ZMYM2: variants seen among roughly 807,000 people sequenced by gnomAD.
The protein encoded by ZMYM2 is zinc finger MYM-type protein 2.
In ZMYM2, 56 loss-of-function variants were observed where a neutral mutation model predicts 162.8. That is an observed-to-expected ratio of 0.34 (90% CI 0.28 to 0.43). The LOEUF is 0.43. Among genes scored for constraint, ZMYM2 ranks in the 20% least tolerant of loss-of-function variants. The pLI is 1.00. For missense variants in ZMYM2, 1,275 were observed against 1,621.8 expected (o/e 0.79, Z 3.67); for synonymous variants, 510 against 541.6 (o/e 0.94, Z 0.81).
At chr13:20,050,634 A>G (rs779815280) in intron 12 of ZMYM2, among the ~76,000 whole-genome samples, 1 of 152,014 alleles carries the variant, frequency 6.6e-6, no homozygotes, top group Non-Finnish European at 1.5e-5. Flanking sequence ...ATTGGTCAAG[A>G]CGTTAAGAAA....
the ZMYM2 span, among the ~76,000 whole-genome samples, chr13:19,914,031 A>G: frequency 6.6e-6 from 1 of 152,204 alleles, no homozygotes; most frequent in Non-Finnish European, 1.5e-5. Context: ...GGGACAAGGA[A>G]TAGGTTGTTC....
chr13:19,991,940 T>C (rs1280777961), intron 2 of ZMYM2, among the ~76,000 whole-genome samples: 1 of 152,156 alleles, frequency 6.6e-6, no homozygotes, highest in East Asian at 1.9e-4. Flanking sequence ...TGCATGTCTT[T>C]TATAAGGGTA....
intron 13 of ZMYM2, among the ~76,000 whole-genome samples, chr13:20,051,816 A>G (rs956409536): frequency 3.3e-5 from 5 of 152,164 alleles, no homozygotes; most frequent in African/African-American, 1.2e-4. Flanking sequence ...CTAATTGAGA[A>G]AAGGCATAGT....
At chr13:19,943,773 C>T in the ZMYM2 span, among the ~76,000 whole-genome samples, 1 of 152,114 alleles carries the variant, frequency 6.6e-6, no homozygotes, top group South Asian at 2.1e-4. Context: ...TTGCCCCGTA[C>T]GCAGTTGGTA....
chr13:19,936,761 C>G, the ZMYM2 span, among the ~76,000 whole-genome samples: 267 of 151,964 alleles, frequency 1.8e-3, 1 homozygote, highest in South Asian at 5.4e-3. Context: ...GAGAACAACA[C>G]TTAAAAAAAT....
Position 20,006,484 on chromosome 13 carries a change from T to G in ZMYM2, c.1410T>G (p.Cys470Trp), listed in dbSNP as rs754728724. ...TAATAATGAATTGCTGTGAACAGTG[T>G]GGAGAGTACTTGCCCAGTAAAGGTG... ...NGLIMNCCEQ[C>W]GEYLPSKGAG... is the part of the protein sequence containing the mutation. The change falls in exon 6 of 25, where the codon TGT (cysteine) becomes TGG (tryptophan). Residue 470 changes from cysteine (C) to tryptophan (W), a missense_variant. Coordinates refer to ENST00000610343, the MANE Select transcript of ZMYM2 (RefSeq NM_197968.4). 6.2e-7 allele frequency: 1 copy of G among 1,613,708 alleles called. No homozygotes were observed. Among genetic ancestry groups the G allele is most frequent in the Admixed American group, 1.7e-5 (1 of 59,980 alleles).
Position 19,981,753 on chromosome 13 carries a change from G to T in ZMYM2, c.-10-11310G>T, listed in dbSNP as rs944863278. ...TGTTTTCTCCCCTTAGATAGTTACT[G>T]TTTCTACCAACTTGAGTTTTTCATC... On this transcript the variant is annotated intron_variant, in intron 2 of 24. Transcript: ENST00000610343. Among the ~76,000 whole-genome samples, 3 of 152,026 alleles carry T rather than the reference G, an allele frequency of 2.0e-5. No homozygotes were observed. The East Asian group carries it at 5.8e-4, about 29-fold the overall frequency.
intron 12 of ZMYM2, among the ~76,000 whole-genome samples, chr13:20,043,524 G>A (rs1426536076): frequency 6.6e-6 from 1 of 152,118 alleles, no homozygotes; most frequent in Non-Finnish European, 1.5e-5. Context: ...TGGTGGCAGG[G>A]CGCTGGCAGG....
chr13:19,881,687 G>A, the ZMYM2 span, among the ~76,000 whole-genome samples: 2 of 151,520 alleles, frequency 1.3e-5, no homozygotes, highest in African/African-American at 2.4e-5. Context: ...TATCCAAGTA[G>A]AAAAAAATGA....
the ZMYM2 span, among the ~76,000 whole-genome samples, chr13:19,938,542 T>C: frequency 6.6e-6 from 1 of 151,082 alleles, no homozygotes; most frequent in South Asian, 2.1e-4. Flanking sequence ...CTTTGAAAAG[T>C]TTTCTTGTAA....
At chr13:19,988,452 C>G (rs879772951) in intron 2 of ZMYM2, among the ~76,000 whole-genome samples, 11 of 152,152 alleles carry the variant, frequency 7.2e-5, no homozygotes, top group Non-Finnish European at 1.5e-4. Context: ...ACTCTGTGCT[C>G]AAGCATTGTG....
chr13:20,053,020 A>G (rs1295845767), intron 14 of ZMYM2, among the ~76,000 whole-genome samples: 3 of 152,230 alleles, frequency 2.0e-5, no homozygotes, highest in Admixed American at 6.5e-5. Flanking sequence ...GGTGTAATAC[A>G]TCAAATTCTA....
chr13:19,870,559 CTTCCTTCCTTCCTTCTTTCCT>C, the ZMYM2 span, among the ~76,000 whole-genome samples: 6 of 138,150 alleles, frequency 4.3e-5, no homozygotes, highest in East Asian at 1.1e-3. Context: ...TTCTTCCTTC[CTTCCTTCCTTCCTTCTTTCCT>C]TTCCTTCCTT....
rs1226102590 is a variant in ZMYM2 at position 20,062,870 on chromosome 13, T to C, written c.2936T>C (p.Ile979Thr). The C allele has an allele frequency of 1.3e-6, 2 of 1,583,496 alleles. No homozygotes were observed. Among genetic ancestry groups the C allele is most frequent in the East Asian group, 2.3e-5 (1 of 44,246 alleles). The change falls in exon 18 of 25, where the codon ATT becomes ACT. Residue 979 changes from isoleucine (I) to threonine (T), a missense_variant. Ile to Thr is a moderately conservative substitution (Grantham distance 89). Transcript: ENST00000610343. Reference protein sequence around the residue: ...INSVIIETDIIGSDLLKNSDP... With the variant: ...INSVIIETDITGSDLLKNSDP... ...GGTGTAATTATTGAAACAGATATAA[T>C]TGGTTCAGACCTTTTGAAGAACTCT...
At chr13:19,912,511 T>A in the ZMYM2 span, among the ~76,000 whole-genome samples, 4 of 151,944 alleles carry the variant, frequency 2.6e-5, no homozygotes, top group Admixed American at 6.6e-5. Context: ...TTTTTGTATT[T>A]CTTGTAGACA....
chr13:20,074,664 G>A (rs1957356601), intron 21 of ZMYM2, among the ~76,000 whole-genome samples: 1 of 151,366 alleles, frequency 6.6e-6, no homozygotes, highest in South Asian at 2.1e-4. Context: ...TCAGCCTCCC[G>A]AGTAGCTGGC....
chr13:19,901,632 G>C, the ZMYM2 span, among the ~76,000 whole-genome samples: 1 of 151,932 alleles, frequency 6.6e-6, no homozygotes, highest in Non-Finnish European at 1.5e-5. Context: ...TACAGGCGTG[G>C]TGCCTGGCTA....
intron 20 of ZMYM2, 64 bp downstream of exon 20, chr13:20,067,083 C>T (rs1956737098): frequency 6.8e-7 from 1 of 1,467,600 alleles, no homozygotes; most frequent in Non-Finnish European, 9.1e-7. Flanking sequence ...TTATTGAGTA[C>T]CTTTAAATTT....
At chr13:19,875,538 G>A in the ZMYM2 span, among the ~76,000 whole-genome samples, 2 of 141,166 alleles carry the variant, frequency 1.4e-5, no homozygotes, top group Non-Finnish European at 3.0e-5. Context: ...TGAGGCAGGA[G>A]AATCGCTTGA....
Sources: allele counts gnomAD v4.1 joint callset (sites outside exome capture counted in the v4.1 genomes callset), GRCh38; gene constraint gnomAD v4.1.1; transcripts MANE v1.5; gene names NCBI Gene and HGNC (gene_info 2026-07-23, HGNC 2026-07-21).